Variants in CDC123 observed in about 807,000 individuals in gnomAD.
CDC123 encodes translation initiation factor eIF2 assembly protein.
In CDC123, 37 loss-of-function variants were observed where a neutral mutation model predicts 54.4. The ratio of observed to expected loss-of-function variants is 0.68; its 90% confidence interval spans 0.52 to 0.89. The LOEUF is 0.89. CDC123 is among the 40% of genes least tolerant of loss of function. The pLI, the probability that CDC123 is intolerant of heterozygous loss-of-function variation, is 0.00. For missense variants in CDC123, 361 were observed against 412.1 expected (o/e 0.88, Z 1.07); for synonymous variants, 144 against 136.8 (o/e 1.05, Z -0.37).
At chr10:12,207,183 A>G (rs981832905) in intron 2 of CDC123, among the ~76,000 whole-genome samples, 5 of 151,984 alleles carry the variant, frequency 3.3e-5, no homozygotes, top group Admixed American at 6.5e-5. Flanking sequence ...CTTTTGGCTT[A>G]ATTCTCTGAA....
chr10:12,210,334 G>A lies in CDC123; in HGVS notation c.237+12G>A. 1 of 1,614,074 alleles carries A rather than the reference G, an allele frequency of 6.2e-7. No individual in the cohort carries two copies. The highest frequency in any genetic ancestry group is 8.5e-7 in the Non-Finnish European group (1 of 1,179,980). ...CAGCCACGCTTACGGTAAGAGCACA[G>A]CAGACTCAGCGTGGGGACAGCCTCA... On this transcript the variant is annotated intron_variant, in intron 4 of 12. Coordinates refer to ENST00000281141, the MANE Select transcript of CDC123 (RefSeq NM_006023.3).
In CDC123 at chr10:12,246,203, C is replaced by T; in HGVS notation, c.772C>T (p.Leu258=). The change falls in exon 11 of 13, where the codon CTG becomes TTG. Residue 258 remains leucine (L), a synonymous_variant. Coordinates refer to ENST00000281141, the MANE Select transcript of CDC123 (RefSeq NM_006023.3). ...ATTTGGTGAAGTCACAGATTCACTG[C>T]TGTTCACCTGGGAAGAACTGATATC... ...NPFGEVTDSL[L]FTWEELISEN... 6.2e-7 allele frequency: 1 copy of T among 1,613,958 alleles called. No homozygotes were observed. The highest frequency in any genetic ancestry group is 8.5e-7 in the Non-Finnish European group (1 of 1,179,790).
chr10:12,221,735 CATTT>C (rs1276608986), intron 6 of CDC123, among the ~76,000 whole-genome samples: 1 of 148,000 alleles, frequency 6.8e-6, no homozygotes, highest in African/African-American at 2.6e-5. Flanking sequence ...ATTAAAATTT[CATTT>C]ATTAAATTTA....
At chr10:12,244,961 A>G (rs138915022) in intron 10 of CDC123, 2 of 152,640 alleles carry the variant, frequency 1.3e-5, no homozygotes, top group African/African-American at 4.8e-5. Context: ...GTGAGCCGAG[A>G]TCGCACCATT....
intron 11 of CDC123, chr10:12,246,730 A>AT (rs1255135912): frequency 2.6e-5 from 4 of 153,926 alleles, no homozygotes; most frequent in Non-Finnish European, 1.4e-5. Flanking sequence ...TCAGCAGATG[A>AT]TTTAACTTGC....
chr10:12,228,526 C>T (rs1835858533), intron 6 of CDC123, among the ~76,000 whole-genome samples: 2 of 151,898 alleles, frequency 1.3e-5, no homozygotes, highest in East Asian at 3.9e-4. Flanking sequence ...CTATCTCAGC[C>T]TCCTGAGTAG....
rs187010183 is a variant in CDC123 at position 12,198,579 on chromosome 10, A to T, written c.75-126A>T. ...TCTTGTCTACTGCTACCAAATGTACATCATTAACATTTTCTACTTTATATT... is the reference window on the plus strand; with the variant it reads ...TCTTGTCTACTGCTACCAAATGTACTTCATTAACATTTTCTACTTTATATT... On this transcript the variant is annotated intron_variant, in intron 1 of 12. Coordinates refer to ENST00000281141, the MANE Select transcript of CDC123 (RefSeq NM_006023.3). 3.3e-4 allele frequency: 218 copies of T among 659,270 alleles called. 2 individuals carry two copies. In the African/African-American group the frequency reaches 3.8e-3, roughly 12 times the overall value. 40.8% of individuals were successfully genotyped at this position (659,270 alleles called of 1,614,324 possible).
At chr10:12,243,325 G>A (rs1274145324) in intron 10 of CDC123, among the ~76,000 whole-genome samples, 1 of 147,436 alleles carries the variant, frequency 6.8e-6, no homozygotes, top group East Asian at 2.0e-4. Context: ...ATGAACCCAG[G>A]AAGGGGAAGT....
At chr10:12,209,874 G>T in intron 2 of CDC123, 93 bp from the exon 3 acceptor site, 1 of 1,222,678 alleles carries the variant, frequency 8.2e-7, no homozygotes. Flanking sequence ...TAATTTTAAG[G>T]CTATTTAAAA....
Position 12,250,494 on chromosome 10 carries a change from G to C in CDC123, c.*157G>C. 1 of 706,086 alleles carries C rather than the reference G, an allele frequency of 1.4e-6. No individual in the cohort carries two copies. Among genetic ancestry groups the C allele is most frequent in the Non-Finnish European group, 2.6e-6 (1 of 379,852 alleles). 43.7% of individuals were successfully genotyped at this position (706,086 alleles called of 1,614,324 possible). On this transcript the variant is annotated 3_prime_UTR_variant, in exon 13 of 13. Transcript: ENST00000281141. ...TGTACATTCACCTGGGGAAAAAAAC[G>C]GAGGGACTTTGCTACTTGTAAAAAT...
At chr10:12,215,280 C>T (rs990210258) in intron 4 of CDC123, among the ~76,000 whole-genome samples, 2 of 152,156 alleles carry the variant, frequency 1.3e-5, no homozygotes, top group African/African-American at 4.8e-5. Context: ...TTCATTCTCT[C>T]CGTGGCTTTG....
At chr10:12,227,819 A>G (rs889441352) in intron 6 of CDC123, among the ~76,000 whole-genome samples, 5 of 152,150 alleles carry the variant, frequency 3.3e-5, no homozygotes, top group African/African-American at 1.2e-4. Context: ...CTTAAATAAT[A>G]GAAAACGTAT....
At chr10:12,242,991 A>C (rs181444604) in intron 10 of CDC123, among the ~76,000 whole-genome samples, 25 of 152,152 alleles carry the variant, frequency 1.6e-4, no homozygotes, top group African/African-American at 5.1e-4. Flanking sequence ...AGTTTATAGA[A>C]GTTACAGCTG....
At chr10:12,229,015 TG>T (rs1301403730) in intron 6 of CDC123, among the ~76,000 whole-genome samples, 2 of 152,166 alleles carry the variant, frequency 1.3e-5, no homozygotes, top group Non-Finnish European at 2.9e-5. Context: ...GTGCCAGGTC[TG>T]CCCCCTCCCT....
intron 4 of CDC123, among the ~76,000 whole-genome samples, chr10:12,214,695 G>T (rs1835641545): frequency 6.6e-6 from 1 of 152,110 alleles, no homozygotes; most frequent in African/African-American, 2.4e-5. Context: ...TCTTGTCACA[G>T]TTTTTTCTCT....
rs945758695 is a variant in CDC123 at position 12,227,785 on chromosome 10, C to T, written c.441-3163C>T. ...TGCTGGGATTACAGGCGTGAGTCAC[C>T]GCACCCAGTCCAAAAATAATTTTCT... is the stretch of plus-strand genomic sequence containing the variant. On this transcript the variant is annotated intron_variant, in intron 6 of 12. Coordinates refer to ENST00000281141, the MANE Select transcript of CDC123 (RefSeq NM_006023.3). Among the ~76,000 whole-genome samples the T allele has an allele frequency of 9.9e-5, 15 of 152,006 alleles. 1 individual carries two copies. In the East Asian group the frequency reaches 2.3e-3, roughly 24 times the overall value.
At chr10:12,248,804 TAA>T (rs34879673) in intron 11 of CDC123, among the ~76,000 whole-genome samples, 34 of 146,914 alleles carry the variant, frequency 2.3e-4, no homozygotes, top group Admixed American at 1.6e-3. Context: ...AAACTTCGTC[TAA>T]AAAAAAAAAA....
At chr10:12,228,491 C>T (rs111605101) in intron 6 of CDC123, among the ~76,000 whole-genome samples, 11,071 of 150,980 alleles carry the variant, frequency 0.073, 660 homozygotes, top group East Asian at 0.2. Context: ...CTGCAACCTC[C>T]GCCTCCTGGA....
At chr10:12,216,039 C>G (rs1282151902) in intron 5 of CDC123, among the ~76,000 whole-genome samples, 2 of 152,108 alleles carry the variant, frequency 1.3e-5, no homozygotes, top group Non-Finnish European at 2.9e-5. Flanking sequence ...GTATATTCTG[C>G]CAAAAGGTAG....
Sources: gnomAD v4.1 joint callset for allele counts (sites outside exome capture counted in the v4.1 genomes callset) on GRCh38, gnomAD v4.1.1 for gene constraint, MANE v1.5 for transcripts, NCBI Gene and HGNC (gene_info 2026-07-23, HGNC 2026-07-21) for gene names.